TNIK: variants seen among roughly 807,000 people sequenced by gnomAD.
The protein encoded by TNIK is TRAF2 and NCK-interacting protein kinase.
Under a neutral mutation model 191.3 loss-of-function variants are expected in TNIK, and 49 were observed. That is an observed-to-expected ratio of 0.26 (90% CI 0.20 to 0.32). The LOEUF (loss-of-function observed/expected upper bound fraction) is 0.32, where lower values mean the gene tolerates loss of function less well. TNIK is among the 10% of genes least tolerant of loss of function. TNIK has a pLI of 1.00. For missense variants in TNIK, 1,155 were observed against 1,702.3 expected, an observed-to-expected ratio of 0.68 and a Z score of 5.66; for synonymous variants, 594 against 600.9, an observed-to-expected ratio of 0.99 and a Z score of 0.17.
At chr3:171,357,196 T>C (rs181613133) in intron 2 of TNIK, among the ~76,000 whole-genome samples, 33 of 152,350 alleles carry the variant, frequency 2.2e-4, no homozygotes, top group African/African-American at 7.7e-4. Context: ...TATTATATTT[T>C]GTGTCAGTCT....
chr3:171,098,742 T>TAAGAATGTATATAA (rs1723055819), intron 22 of TNIK, among the ~76,000 whole-genome samples: 1 of 152,144 alleles, frequency 6.6e-6, no homozygotes, highest in African/African-American at 2.4e-5. Context: ...ATAAAGGTAA[T>TAAGAATGTATATAA]AAGAATGTAT....
At chr3:171,128,691 G>A (rs1241983362) in intron 16 of TNIK, 23 bp downstream of exon 16, 4 of 1,592,170 alleles carry the variant, frequency 2.5e-6, no homozygotes, top group Non-Finnish European at 3.4e-6. Context: ...TGGAATGCCT[G>A]ATGGAATGGA....
chr3:171,288,807 C>CAA (rs10666822), intron 2 of TNIK, among the ~76,000 whole-genome samples: 11,390 of 108,894 alleles, frequency 0.1, 670 homozygotes, highest in South Asian at 0.17. Context: ...GACTCCATCT[C>CAA]AAAAAAAAAA....
At chr3:171,211,289 T>A (rs1442033097) in intron 3 of TNIK, 48 bp from the exon 4 acceptor site, 1 of 1,562,910 alleles carries the variant, frequency 6.4e-7, no homozygotes. Flanking sequence ...CTATGGTTGT[T>A]AGTAGGATTC....
At chr3:171,391,361 G>A (rs1017644340) in intron 1 of TNIK, among the ~76,000 whole-genome samples, 1 of 152,204 alleles carries the variant, frequency 6.6e-6, no homozygotes, top group Admixed American at 6.5e-5. Flanking sequence ...AACATCAGAT[G>A]TATATAAAGC....
chr3:171,226,275 T>C (rs1317828441), intron 3 of TNIK, among the ~76,000 whole-genome samples: 6 of 152,282 alleles, frequency 3.9e-5, no homozygotes, highest in African/African-American at 1.4e-4. Flanking sequence ...GTAGAAAATA[T>C]TTCACTGGAA....
intron 18 of TNIK, among the ~76,000 whole-genome samples, chr3:171,114,691 A>G (rs1326801179): frequency 2.6e-5 from 4 of 152,200 alleles, no homozygotes; most frequent in African/African-American, 9.6e-5. Flanking sequence ...TTGTGGTAAA[A>G]GGGTTGCTAA....
chr3:171,300,660 T>A (rs1053486526), intron 2 of TNIK, among the ~76,000 whole-genome samples: 2 of 152,152 alleles, frequency 1.3e-5, no homozygotes, highest in Non-Finnish European at 2.9e-5. Flanking sequence ...GAGGGAAATA[T>A]CCTAATGTTC....
intron 18 of TNIK, among the ~76,000 whole-genome samples, chr3:171,115,066 C>T (rs886227027): frequency 4.6e-5 from 7 of 152,168 alleles, no homozygotes; most frequent in African/African-American, 1.4e-4. Flanking sequence ...ATGTACTGCT[C>T]ACCAACTGTA....
intron 1 of TNIK, among the ~76,000 whole-genome samples, chr3:171,455,512 A>T (rs1728693048): frequency 6.6e-6 from 1 of 151,676 alleles, no homozygotes; most frequent in Non-Finnish European, 1.5e-5. Context: ...AAGTGCTGGG[A>T]TTACAGGTGT....
intron 15 of TNIK, among the ~76,000 whole-genome samples, chr3:171,132,480 G>A (rs1729445403): frequency 6.6e-6 from 1 of 152,136 alleles, no homozygotes; most frequent in African/African-American, 2.4e-5. Context: ...TAGGAGTAAT[G>A]TCTATGGCCT....
chr3:171,085,124 C>G lies in TNIK; in HGVS notation c.2992G>C (p.Ala998Pro), dbSNP rs761360121. The G allele has an allele frequency of 5.0e-6, 8 of 1,606,826 alleles. No homozygotes were observed. Among genetic ancestry groups the G allele is most frequent in the Non-Finnish European group, 6.8e-6 (8 of 1,176,580 alleles). ...DEDEEDEESS[A>P]AALFTSELLR... ...CAGGGCCCTTCTTGCTTACCTGCGG[C>G]TGATGATTCCTCATCCTCTTCATCT... The change falls in exon 25 of 33, where the codon GCC (alanine) becomes CCC (proline). Residue 998 changes from alanine to proline, a missense_variant. By Grantham distance (27) the Ala-to-Pro change is conservative. Coordinates refer to ENST00000436636, the MANE Select transcript of TNIK (RefSeq NM_015028.4).
chr3:171,103,834 TCAAAACGAGACAAAA>T (rs1235999168), intron 21 of TNIK, among the ~76,000 whole-genome samples: 1 of 152,082 alleles, frequency 6.6e-6, no homozygotes, highest in Non-Finnish European at 1.5e-5. Flanking sequence ...CTCTGACATT[TCAAAACGAGACAAAA>T]GAAATTCTAA....
intron 1 of TNIK, among the ~76,000 whole-genome samples, chr3:171,451,849 T>C (rs954160175): frequency 1.3e-5 from 2 of 152,228 alleles, no homozygotes; most frequent in South Asian, 2.1e-4. Flanking sequence ...GAATGCTGGA[T>C]ACCATGTGCA....
At position 171,060,732 on chromosome 3, in the gene TNIK, C is replaced by G. The variant is rs1262294796; in HGVS notation, c.*3149G>C. On this transcript the variant is annotated 3_prime_UTR_variant, in exon 33 of 33. Coordinates refer to ENST00000436636, the MANE Select transcript of TNIK (RefSeq NM_015028.4). ...CATTATTTGAAGGAACTTCACTGGT[C>G]ATCCATTCCTACCACCACTGGATGC... 6.6e-6 allele frequency among the ~76,000 whole-genome samples: 1 copy of G among 152,128 alleles called. No individual in the cohort carries two copies. The highest frequency in any genetic ancestry group is 2.4e-5 in the African/African-American group (1 of 41,436).
chr3:171,345,219 G>T (rs999226763), intron 2 of TNIK, among the ~76,000 whole-genome samples: 1 of 152,134 alleles, frequency 6.6e-6, no homozygotes, highest in African/African-American at 2.4e-5. Flanking sequence ...GTCAATTAGA[G>T]AACAGGAGCT....
intron 2 of TNIK, among the ~76,000 whole-genome samples, chr3:171,303,115 T>C (rs1461622597): frequency 2.0e-5 from 3 of 152,160 alleles, no homozygotes; most frequent in African/African-American, 7.2e-5. Flanking sequence ...AAAGTTTTTA[T>C]CACACACGTA....
intron 18 of TNIK, among the ~76,000 whole-genome samples, chr3:171,118,676 C>T (rs1727152931): frequency 6.6e-6 from 1 of 152,154 alleles, no homozygotes; most frequent in African/African-American, 2.4e-5. Flanking sequence ...CTGACAAAAA[C>T]AAGCAATGGG....
chr3:171,368,492 G>A (rs1716048195), intron 2 of TNIK, among the ~76,000 whole-genome samples: 1 of 152,286 alleles, frequency 6.6e-6, no homozygotes, highest in African/African-American at 2.4e-5. Context: ...AAGTGAGCAG[G>A]TTGGGTAGAC....
Sources: allele counts gnomAD v4.1 joint callset (sites outside exome capture counted in the v4.1 genomes callset), GRCh38; gene constraint gnomAD v4.1.1; transcripts MANE v1.5; gene names NCBI Gene and HGNC (gene_info 2026-07-23, HGNC 2026-07-21).